Variants in LCORL observed in about 807,000 individuals in gnomAD.
LCORL encodes ligand-dependent nuclear receptor corepressor-like protein.
A neutral mutation model predicts 141.8 loss-of-function variants in LCORL; 41 were observed. The observed-to-expected ratio is 0.29, with a 90% CI of 0.23 to 0.38. LCORL has a LOEUF of 0.38. LCORL is among the 10% of genes least tolerant of loss of function. The probability of loss-of-function intolerance (pLI) is 1.00; values close to 1 mark genes in which losing one functional copy is unlikely to be tolerated. For synonymous variants in LCORL, 618 were observed against 694.1 expected, an observed-to-expected ratio of 0.89 and a Z score of 1.72; for missense variants, 1,759 against 2,035.0, an observed-to-expected ratio of 0.86 and a Z score of 2.61.
At chr4:17,908,833 T>C (rs889514485) in intron 5 of LCORL, among the ~76,000 whole-genome samples, 7 of 152,180 alleles carry the variant, frequency 4.6e-5, no homozygotes, top group African/African-American at 1.4e-4. Flanking sequence ...CCTTTGTTTA[T>C]ATGCTTTATT....
At chr4:17,968,153 C>T (rs934425266) in intron 2 of LCORL, among the ~76,000 whole-genome samples, 2 of 151,834 alleles carry the variant, frequency 1.3e-5, no homozygotes, top group South Asian at 4.2e-4. Flanking sequence ...GCACTGCACC[C>T]GGCCATTTGC....
intron 5 of LCORL, among the ~76,000 whole-genome samples, chr4:17,906,929 A>AC (rs966118200): frequency 6.6e-6 from 1 of 151,912 alleles, no homozygotes; most frequent in African/African-American, 2.4e-5. Context: ...TGATCCACCC[A>AC]CCTCAGCCTC....
intron 1 of LCORL, among the ~76,000 whole-genome samples, chr4:17,977,399 C>T (rs1717177939): frequency 6.6e-6 from 1 of 152,088 alleles, no homozygotes; most frequent in Non-Finnish European, 1.5e-5. Context: ...GATTCACATC[C>T]CAATCACCAC....
chr4:17,898,568 A>G (rs1730342175), intron 5 of LCORL, among the ~76,000 whole-genome samples: 1 of 151,402 alleles, frequency 6.6e-6, no homozygotes, highest in South Asian at 2.1e-4. Flanking sequence ...AAAAGAGAGC[A>G]TGTAATATAT....
At chr4:17,851,758 G>A (rs747424368) in intron 7 of LCORL, among the ~76,000 whole-genome samples, 5 of 152,196 alleles carry the variant, frequency 3.3e-5, no homozygotes, top group South Asian at 2.1e-4. Flanking sequence ...AGTGCCCTTC[G>A]GAGACTGTAC....
chr4:17,871,194 A>G (rs1400823241), intron 7 of LCORL, among the ~76,000 whole-genome samples: 3 of 151,986 alleles, frequency 2.0e-5, no homozygotes, highest in African/African-American at 7.2e-5. Context: ...ATATTAACAA[A>G]TATTTCTATA....
At chr4:17,843,508 G>C in exon 8 of LCORL, 1 of 1,468,632 alleles carries the variant, frequency 6.8e-7, no homozygotes, top group Non-Finnish European at 9.3e-7. Context: ...GTCAAAATCA[G>C]AACAAACCTG....
intron 4 of LCORL, among the ~76,000 whole-genome samples, chr4:17,959,087 G>A (rs1025049051): frequency 5.9e-5 from 9 of 151,948 alleles, no homozygotes; most frequent in Non-Finnish European, 8.8e-5. Context: ...TAAGTAATAC[G>A]CTTCTTCCAG....
Position 18,021,475 on chromosome 4 carries a change from TC to T in LCORL, c.154+122del. On this transcript the variant is annotated intron_variant, in intron 1 of 7. Coordinates refer to ENST00000635767, the Ensembl canonical transcript of LCORL. The surrounding 1 kb of genome is among the most constrained non-coding windows in gnomAD (Gnocchi z 5.5). ...GGGCCGCCGCGCCGCGCCGCTCCCATCTCGCTCCCCCACCGAACTAACCCGA... is the reference window on the plus strand; with the variant it reads ...GGGCCGCCGCGCCGCGCCGCTCCCATTCGCTCCCCCACCGAACTAACCCGA... 1 of 771,924 alleles carries T rather than the reference TC, an allele frequency of 1.3e-6. No individual in the cohort carries two copies. Among genetic ancestry groups the T allele is most frequent in the Non-Finnish European group, 1.9e-6 (1 of 529,884 alleles). The allele number at this position is 771,924 out of a possible 1,614,324, so 47.8% of individuals were successfully genotyped here. A position where few individuals can be genotyped will look rare whatever the true frequency, so the allele number is the denominator to read the frequency against.
At chr4:17,871,752 T>C (rs1286521715) in intron 7 of LCORL, among the ~76,000 whole-genome samples, 3 of 151,862 alleles carry the variant, frequency 2.0e-5, no homozygotes, top group Admixed American at 2.0e-4. Context: ...TTTTTTTGCC[T>C]CTCTTTTTCC....
chr4:17,860,982 C>T lies in LCORL; in HGVS notation c.5602+12406G>A, dbSNP rs189113542. Among the ~76,000 whole-genome samples, 575 of 152,276 alleles carry T rather than the reference C, an allele frequency of 3.8e-3. 2 individuals are homozygous for T. The highest frequency in any genetic ancestry group is 6.5e-3 in the Non-Finnish European group (443 of 68,016). ...CCCCTGTAGCTTTGCAGGGTATAGC[C>T]CCCCTACCCTGGCTGCTTTCATGGG... On this transcript the variant is annotated intron_variant, in intron 7 of 7. Coordinates refer to ENST00000635767, the Ensembl canonical transcript of LCORL.
At chr4:17,922,084 A>G (rs1472521423) in intron 4 of LCORL, among the ~76,000 whole-genome samples, 2 of 152,104 alleles carry the variant, frequency 1.3e-5, no homozygotes, top group Non-Finnish European at 2.9e-5. Context: ...CAGACAGCCT[A>G]TTGTGGGACT....
chr4:17,875,896 C>T, exon 7 of LCORL: 2 of 1,231,098 alleles, frequency 1.6e-6, no homozygotes. Context: ...TTGTTTAGTT[C>T]TCTTTGAAAA....
chr4:17,970,109 G>A (rs992951444), intron 2 of LCORL, among the ~76,000 whole-genome samples: 2 of 152,084 alleles, frequency 1.3e-5, no homozygotes, highest in African/African-American at 2.4e-5. Flanking sequence ...AAAGAGAGAA[G>A]GATCCTTAGA....
chr4:17,867,476 T>C (rs2109151702), intron 7 of LCORL, among the ~76,000 whole-genome samples: 1 of 152,306 alleles, frequency 6.6e-6, no homozygotes, highest in Middle Eastern at 3.4e-3. Context: ...AAAACTTTAT[T>C]TACAAAATAG....
exon 7 of LCORL, chr4:17,875,673 T>C: frequency 8.1e-7 from 1 of 1,231,414 alleles, no homozygotes. Context: ...GATGTTTGTT[T>C]GATCAATTTT....
At chr4:17,859,018 C>G (rs1280414687) in intron 7 of LCORL, among the ~76,000 whole-genome samples, 1 of 152,178 alleles carries the variant, frequency 6.6e-6, no homozygotes, top group African/African-American at 2.4e-5. Context: ...AAAGTACAGT[C>G]TCTGGCTTAG....
intron 1 of LCORL, among the ~76,000 whole-genome samples, chr4:18,008,362 T>A (rs186646137): frequency 6.6e-6 from 1 of 152,284 alleles, no homozygotes; most frequent in East Asian, 1.9e-4. Context: ...AGGACAGGAA[T>A]AAAAGGCTGA....
intron 4 of LCORL, among the ~76,000 whole-genome samples, chr4:17,944,213 C>G (rs1390634123): frequency 6.6e-6 from 1 of 152,094 alleles, no homozygotes; most frequent in Non-Finnish European, 1.5e-5. Flanking sequence ...TAAGTAGGCT[C>G]ATTGATTTTA....
Sources: allele counts gnomAD v4.1 joint callset (sites outside exome capture counted in the v4.1 genomes callset), GRCh38; gene constraint gnomAD v4.1.1; non-coding constraint Gnocchi (gnomAD v3.1); transcripts MANE v1.5; gene names NCBI Gene and HGNC (gene_info 2026-07-23, HGNC 2026-07-21).